Variants in NOS1AP observed in about 807,000 individuals in gnomAD.
The protein encoded by NOS1AP is carboxyl-terminal PDZ ligand of neuronal nitric oxide synthase protein.
In NOS1AP, 21 loss-of-function variants were observed where a neutral mutation model predicts 56.2. The ratio of observed to expected loss-of-function variants is 0.37; its 90% confidence interval spans 0.26 to 0.54. NOS1AP has a LOEUF of 0.54. NOS1AP is among the 20% of genes least tolerant of loss of function. The pLI is 0.84. For synonymous variants in NOS1AP, 270 were observed against 274.6 expected (o/e 0.98, Z 0.17); for missense variants, 522 against 657.8 (o/e 0.79, Z 2.26).
At chr1:162,138,784 T>G (rs1571052528) in intron 1 of NOS1AP, among the ~76,000 whole-genome samples, 1 of 152,176 alleles carries the variant, frequency 6.6e-6, no homozygotes, top group African/African-American at 2.4e-5. Context: ...GCACCCCTAG[T>G]GTGCCAGGGG....
chr1:162,088,394 T>C (rs1197332960), intron 1 of NOS1AP, among the ~76,000 whole-genome samples: 1 of 152,206 alleles, frequency 6.6e-6, no homozygotes, highest in African/African-American at 2.4e-5. Context: ...ATCATCATTG[T>C]AATTTTAAAA....
At chr1:162,292,362 C>T (rs780428216) in intron 3 of NOS1AP, among the ~76,000 whole-genome samples, 1 of 152,232 alleles carries the variant, frequency 6.6e-6, no homozygotes, top group Non-Finnish European at 1.5e-5. Context: ...TAAGTAGTTA[C>T]ACACTAAGGT....
intron 2 of NOS1AP, among the ~76,000 whole-genome samples, chr1:162,251,857 GTTTTTTTTTTTGTTT>G (rs1298788141): frequency 1.0e-5 from 1 of 100,446 alleles, no homozygotes; most frequent in Non-Finnish European, 1.8e-5. Context: ...CTAGCTAGTT[GTTTTTTTTTTTGTTT>G]TTTTTTTTTT....
At chr1:162,178,925 C>T (rs992453358) in intron 2 of NOS1AP, among the ~76,000 whole-genome samples, 6 of 152,090 alleles carry the variant, frequency 3.9e-5, no homozygotes, top group African/African-American at 1.4e-4. Context: ...ATACCTATCA[C>T]TCAGGTCCTG....
At chr1:162,199,090 CA>C (rs1224132032) in intron 2 of NOS1AP, among the ~76,000 whole-genome samples, 2 of 152,210 alleles carry the variant, frequency 1.3e-5, no homozygotes, top group Admixed American at 6.5e-5. Flanking sequence ...AGGGGATAGG[CA>C]TGGGGGTTAA....
rs773899605 is a variant in NOS1AP at position 162,355,349 on chromosome 1, C to T, written c.758C>T (p.Ser253Phe). The T allele has an allele frequency of 6.2e-6, 10 of 1,614,098 alleles. No homozygotes were observed. The highest frequency in any genetic ancestry group is 1.1e-5 in the South Asian group (1 of 91,054). ...AAGGAAGGAGGCTCTCACACAGGCT[C>T]CAAGGTAGGCAAGAGATGGCCCATC... is the stretch of plus-strand genomic sequence containing the variant. Reference protein sequence around the residue: ...VGKEGGSHTGSKVSHPQEPML... With the variant: ...VGKEGGSHTGFKVSHPQEPML... Residue 253 changes from serine (S) to phenylalanine (F), a missense_variant, in exon 7 of 10, where the codon TCC (serine) becomes TTC (phenylalanine). Transcript: ENST00000361897.
intron 1 of NOS1AP, among the ~76,000 whole-genome samples, chr1:162,097,100 C>G (rs1401781259): frequency 6.8e-6 from 1 of 147,450 alleles, no homozygotes; most frequent in Non-Finnish European, 1.5e-5. Context: ...TTATCCTTAA[C>G]AGTTTTTGCC....
At chr1:162,102,291 G>A (rs10918680) in intron 1 of NOS1AP, among the ~76,000 whole-genome samples, 1 of 152,072 alleles carries the variant, frequency 6.6e-6, no homozygotes, top group Non-Finnish European at 1.5e-5. Flanking sequence ...ATCCCAGGGA[G>A]GAAGCCAGCT....
At chr1:162,295,049 C>T (rs1655409985) in intron 3 of NOS1AP, among the ~76,000 whole-genome samples, 1 of 152,194 alleles carries the variant, frequency 6.6e-6, no homozygotes, top group African/African-American at 2.4e-5. Context: ...GGTTGAAGAC[C>T]AGCCCTGCTG....
At chr1:162,328,404 G>T (rs567961688) in intron 4 of NOS1AP, among the ~76,000 whole-genome samples, 1 of 152,280 alleles carries the variant, frequency 6.6e-6, no homozygotes, top group Admixed American at 6.5e-5. Flanking sequence ...ACATGATATT[G>T]TTTCCATATA....
intron 2 of NOS1AP, among the ~76,000 whole-genome samples, chr1:162,216,695 A>G (rs2101652559): frequency 6.6e-6 from 1 of 152,356 alleles, no homozygotes; most frequent in East Asian, 1.9e-4. Flanking sequence ...AAATAAAATA[A>G]TTATATTTGA....
intron 2 of NOS1AP, among the ~76,000 whole-genome samples, chr1:162,275,506 T>C (rs1654705879): frequency 6.6e-6 from 1 of 152,192 alleles, no homozygotes; most frequent in South Asian, 2.1e-4. Flanking sequence ...AGGTATGAGG[T>C]TTATTTTCAT....
At chr1:162,113,231 TG>T (rs1368443623) in intron 1 of NOS1AP, among the ~76,000 whole-genome samples, 1 of 152,074 alleles carries the variant, frequency 6.6e-6, no homozygotes, top group Non-Finnish European at 1.5e-5. Context: ...AAGCAGGTTA[TG>T]GGGGATGTTG....
intron 4 of NOS1AP, among the ~76,000 whole-genome samples, chr1:162,318,677 C>T (rs914521886): frequency 2.6e-5 from 4 of 151,906 alleles, no homozygotes; most frequent in African/African-American, 9.7e-5. Flanking sequence ...CAGGGGATGT[C>T]GTATTTCCTA....
intron 3 of NOS1AP, among the ~76,000 whole-genome samples, chr1:162,291,701 C>T (rs967373506): frequency 3.9e-5 from 6 of 152,172 alleles, no homozygotes; most frequent in Admixed American, 3.9e-4. Context: ...AAAATGCTGT[C>T]ATCTTGAACT....
intron 5 of NOS1AP, among the ~76,000 whole-genome samples, chr1:162,333,350 C>T (rs933586834): frequency 4.6e-5 from 7 of 152,172 alleles, no homozygotes; most frequent in African/African-American, 1.2e-4. Context: ...CCGTTGACTA[C>T]GTGCTCTGGG....
intron 2 of NOS1AP, among the ~76,000 whole-genome samples, chr1:162,236,416 A>G (rs534432915): frequency 6.6e-6 from 1 of 152,278 alleles, no homozygotes; most frequent in East Asian, 1.9e-4. Flanking sequence ...CCTTCACAAC[A>G]TACCATTCAT....
chr1:162,126,616 ACT>A (rs1328550041), intron 1 of NOS1AP, among the ~76,000 whole-genome samples: 1 of 150,956 alleles, frequency 6.6e-6, no homozygotes, highest in Non-Finnish European at 1.5e-5. Context: ...ATGCTTTCTG[ACT>A]CTGTTTTAAA....
At chr1:162,186,842 G>T (rs370744398) in intron 2 of NOS1AP, among the ~76,000 whole-genome samples, 1 of 152,216 alleles carries the variant, frequency 6.6e-6, no homozygotes, top group Non-Finnish European at 1.5e-5. Flanking sequence ...ATAGCAACCC[G>T]AGCAGACTGA....
Sources: gnomAD v4.1 joint callset for allele counts (sites outside exome capture counted in the v4.1 genomes callset) on GRCh38, gnomAD v4.1.1 for gene constraint, MANE v1.5 for transcripts, NCBI Gene and HGNC (gene_info 2026-07-23, HGNC 2026-07-21) for gene names.